Variants in NLGN3 observed in about 807,000 individuals in gnomAD.
The protein encoded by NLGN3 is neuroligin 3.
Under a neutral mutation model 42.9 loss-of-function variants are expected in NLGN3, and 11 were observed. The observed-to-expected ratio is 0.26, with a 90% confidence interval of 0.16 to 0.42. NLGN3 has a LOEUF of 0.42. NLGN3 is among the 10% of genes least tolerant of loss of function. The probability of loss-of-function intolerance (pLI) is 1.00; values close to 1 mark genes in which losing one functional copy is unlikely to be tolerated. For synonymous variants in NLGN3, 279 were observed against 312.7 expected (o/e 0.89, Z 1.14); for missense variants, 374 against 733.8 (o/e 0.51, Z 5.67).
intron 5 of NLGN3, among the ~76,000 whole-genome samples, chrX:71,157,429 T>C (rs1048297266): frequency 9.1e-6 from 1 of 110,487 alleles, no homozygotes; most frequent in Non-Finnish European, 1.9e-5. Context: ...GTTCAACTGA[T>C]TCTCCTGCCT....
intron 6 of NLGN3, among the ~76,000 whole-genome samples, chrX:71,164,663 A>C (rs921157965): frequency 8.9e-6 from 1 of 111,825 alleles, no homozygotes; most frequent in African/African-American, 3.3e-5. Context: ...TGGGAAGGAC[A>C]TGTTACTTCA....
At chrX:71,145,500 C>G (rs1237355568) in intron 1 of NLGN3, among the ~76,000 whole-genome samples, 1 of 108,378 alleles carries the variant, frequency 9.2e-6, no homozygotes, top group Non-Finnish European at 1.9e-5. Flanking sequence ...GCGCCCAGCA[C>G]CGCTGCAGCC....
chrX:71,155,084 G>A, intron 4 of NLGN3, 130 bp from the exon 5 acceptor site: 1 of 711,055 alleles, frequency 1.4e-6, no homozygotes, highest in South Asian at 2.3e-5. Context: ...CATGAGTCCT[G>A]CCCTCAGGGA....
chrX:71,172,627 C>CCTGTGTGTGT (rs376125375), downstream of NLGN3, among the ~76,000 whole-genome samples: 2 of 100,498 alleles, frequency 2.0e-5, no homozygotes, highest in African/African-American at 7.4e-5. Flanking sequence ...TGTGTGCATG[C>CCTGTGTGTGT]GTGTGTGTGT....
chrX:71,161,308 T>C (rs2092429353), intron 5 of NLGN3, among the ~76,000 whole-genome samples: 1 of 106,688 alleles, frequency 9.4e-6, no homozygotes, highest in Admixed American at 1.0e-4. Context: ...GAGATGGGGT[T>C]TCTCCATGTT....
chrX:71,169,123 G>A (rs2092461522), intron 7 of NLGN3, 131 bp from the exon 8 acceptor site: 3 of 742,707 alleles, frequency 4.0e-6, no homozygotes, highest in Admixed American at 5.2e-5. Flanking sequence ...GCAGAGCAGG[G>A]GACCCTGAAA....
downstream of NLGN3, among the ~76,000 whole-genome samples, chrX:71,172,961 A>G (rs1478810146): frequency 1.9e-5 from 2 of 103,531 alleles, no homozygotes; most frequent in African/African-American, 3.9e-5. Context: ...GAAAGCAGAG[A>G]GCTAGATTAT....
Position 71,171,035 on chromosome X carries a change from G to C in NLGN3, c.*938G>C. ...ATTTTCTTTACAGTCTTTTGTGTCTGTCATTTCTCTTTCAAAAAGGCGGTG... is the reference window on the plus strand; with the variant it reads ...ATTTTCTTTACAGTCTTTTGTGTCTCTCATTTCTCTTTCAAAAAGGCGGTG... On this transcript the variant is annotated 3_prime_UTR_variant, in exon 8 of 8. Coordinates refer to ENST00000358741, the MANE Select transcript of NLGN3 (RefSeq NM_181303.2). The C allele has an allele frequency of 1.3e-6, 1 of 749,830 alleles. No homozygotes were observed. 61.8% of individuals were successfully genotyped at this position (749,830 alleles called of 1,213,427 possible). A position where few individuals can be genotyped will look rare whatever the true frequency, so the allele number is the denominator to read the frequency against.
Position 71,161,832 on chromosome X carries a change from C to T in NLGN3, c.728-2311C>T, listed in dbSNP as rs2092431443. ...CATCCAGCCCTTTCAGGCCTTTGTT[C>T]CTAACCCAGGAAATTGGTACATTGG... On this transcript the variant is annotated intron_variant, in intron 5 of 7. Transcript: ENST00000358741. Among the ~76,000 whole-genome samples, 6 of 112,645 alleles carry T rather than the reference C, an allele frequency of 5.3e-5. No homozygotes were observed. In the South Asian group the frequency reaches 2.2e-3, roughly 41 times the overall value.
At chrX:71,171,713 T>G, downstream of NLGN3, 1 of 725,910 alleles carries the variant, frequency 1.4e-6, no homozygotes, top group Non-Finnish European at 1.6e-6. Flanking sequence ...GGCCCTCTCC[T>G]TCCCCAGGGA....
Position 71,170,571 on chromosome X carries a change from A to G in NLGN3, c.*474A>G. ...CTTTTTTCTGGGTCTTGTTTTGTTGATTTTTCTTTTTTAATTTTGGAACAA... is the reference window on the plus strand; with the variant it reads ...CTTTTTTCTGGGTCTTGTTTTGTTGGTTTTTCTTTTTTAATTTTGGAACAA... On this transcript the variant is annotated 3_prime_UTR_variant, in exon 8 of 8. Transcript: ENST00000358741. 1.3e-5 allele frequency: 10 copies of G among 787,178 alleles called. No individual in the cohort carries two copies. Among genetic ancestry groups the G allele is most frequent in the Non-Finnish European group, 1.5e-5 (10 of 660,000 alleles). The allele number at this position is 787,178 out of a possible 1,213,427, so 64.9% of individuals were successfully genotyped here. A position where few individuals can be genotyped will look rare whatever the true frequency, so the allele number is the denominator to read the frequency against.
intron 1 of NLGN3, among the ~76,000 whole-genome samples, chrX:71,145,644 G>A (rs2092363599): frequency 9.1e-6 from 1 of 109,602 alleles, no homozygotes; most frequent in Non-Finnish European, 1.9e-5. Context: ...TACAGAGGGC[G>A]TTTGGGGGTC....
At chrX:71,172,560 A>G (rs968061909), downstream of NLGN3, among the ~76,000 whole-genome samples, 8 of 111,230 alleles carry the variant, frequency 7.2e-5, no homozygotes, top group Non-Finnish European at 1.5e-4. Context: ...AAAAGTGGAA[A>G]GCTAGAGAGG....
At chrX:71,167,904 C>G in intron 7 of NLGN3, 104 bp downstream of exon 7, 1 of 753,895 alleles carries the variant, frequency 1.3e-6, no homozygotes, top group Non-Finnish European at 2.0e-6. Context: ...TAAGATATTC[C>G]CAAAATCTTG....
At chrX:71,146,172 G>GACACACACACACACACACACAC (rs1168453634) in intron 1 of NLGN3, among the ~76,000 whole-genome samples, 1 of 38,217 alleles carries the variant, frequency 2.6e-5, no homozygotes, top group African/African-American at 1.1e-4. Context: ...CACACACACA[G>GACACACACACACACACACACAC]ACACACACAC....
In NLGN3 at chrX:71,148,352, C is replaced by T. The variant is rs901016025; in HGVS notation, c.457+146C>T. 21 of 501,532 alleles carry T rather than the reference C, an allele frequency of 4.2e-5. No individual in the cohort carries two copies. The East Asian group carries it at 7.8e-4, about 19-fold the overall frequency. 41.3% of individuals were successfully genotyped at this position (501,532 alleles called of 1,213,427 possible). On this transcript the variant is annotated intron_variant, in intron 2 of 7. Transcript: ENST00000358741. ...ACCATCACTCTGCTTGGCCTCCCACCCCCCTCCCTGTTCTTCCCTCTCCCA... is the reference window on the plus strand; with the variant it reads ...ACCATCACTCTGCTTGGCCTCCCACTCCCCTCCCTGTTCTTCCCTCTCCCA...
intron 7 of NLGN3, among the ~76,000 whole-genome samples, chrX:71,168,885 AGAAAG>A (rs2092460665): frequency 1.5e-5 from 1 of 67,216 alleles, no homozygotes; most frequent in African/African-American, 2.1e-4. Flanking sequence ...GAAAAGAAAG[AGAAAG>A]AAAGAAAGAA....
Position 71,171,039 on chromosome X carries a change from T to C in NLGN3, c.*942T>C. The C allele has an allele frequency of 1.3e-6, 1 of 753,902 alleles. No homozygotes were observed. Among genetic ancestry groups the C allele is most frequent in the Non-Finnish European group, 1.6e-6 (1 of 639,101 alleles). The allele number at this position is 753,902 out of a possible 1,213,427, so 62.1% of individuals were successfully genotyped here. On this transcript the variant is annotated 3_prime_UTR_variant, in exon 8 of 8. Transcript: ENST00000358741. ...TCTTTACAGTCTTTTGTGTCTGTCA[T>C]TTCTCTTTCAAAAAGGCGGTGTTTT...
At chrX:71,153,646 G>C in intron 4 of NLGN3, 110 bp downstream of exon 4, 1 of 757,686 alleles carries the variant, frequency 1.3e-6, no homozygotes, top group Non-Finnish European at 2.0e-6. Flanking sequence ...GTGTGTTTCT[G>C]TTCCTGTACA....
Sources: allele counts gnomAD v4.1 joint callset (sites outside exome capture counted in the v4.1 genomes callset), GRCh38; gene constraint gnomAD v4.1.1; transcripts MANE v1.5; gene names NCBI Gene and HGNC (gene_info 2026-07-23, HGNC 2026-07-21).